Variants in POLA1 observed in about 807,000 individuals in gnomAD.
POLA1 encodes DNA polymerase alpha catalytic subunit.
POLA1 carries 15 observed loss-of-function variants against 124.0 expected under a neutral mutation model. The observed-to-expected ratio is 0.12, with a 90% CI of 0.08 to 0.19. The LOEUF is 0.19. Ranked by LOEUF, POLA1 falls within the 10% of genes least tolerant of loss-of-function variation. The pLI, the probability that POLA1 is intolerant of heterozygous loss-of-function variation, is 1.00. For missense variants in POLA1, 886 were observed against 1,103.4 expected, an observed-to-expected ratio of 0.80 and a Z score of 2.79; for synonymous variants, 408 against 389.4, an observed-to-expected ratio of 1.05 and a Z score of -0.56.
chrX:24,859,415 C>T (rs751645760), intron 34 of POLA1, among the ~76,000 whole-genome samples: 1 of 111,646 alleles, frequency 9.0e-6, no homozygotes, highest in Non-Finnish European at 1.9e-5. Context: ...TATCTCCACA[C>T]TTTCACTCCT....
At chrX:24,930,197 CA>C (rs1350642009) in intron 35 of POLA1, among the ~76,000 whole-genome samples, 2 of 112,084 alleles carry the variant, frequency 1.8e-5, no homozygotes, top group Non-Finnish European at 3.8e-5. Flanking sequence ...TTTTTGACAG[CA>C]GGGGTAATCA....
chrX:24,865,751 A>G (rs184950775), intron 34 of POLA1, among the ~76,000 whole-genome samples: 2 of 111,986 alleles, frequency 1.8e-5, no homozygotes, highest in African/African-American at 3.2e-5. Flanking sequence ...AATTATGTCT[A>G]TAGATAAGGA....
chrX:24,747,598 TA>T (rs1414085253), intron 24 of POLA1, among the ~76,000 whole-genome samples: 2 of 111,833 alleles, frequency 1.8e-5, no homozygotes, highest in Admixed American at 9.5e-5. Context: ...TTTAAAATAG[TA>T]GTTTAGCTGC....
intron 20 of POLA1, among the ~76,000 whole-genome samples, chrX:24,740,991 C>T (rs760659071): frequency 9.0e-6 from 1 of 111,140 alleles, no homozygotes; most frequent in African/African-American, 3.3e-5. Context: ...TTGTTTTGGT[C>T]ACAGCCAATG....
intron 26 of POLA1, among the ~76,000 whole-genome samples, chrX:24,750,070 A>G (rs1209811015): frequency 8.9e-6 from 1 of 111,947 alleles, no homozygotes; most frequent in African/African-American, 3.2e-5. Flanking sequence ...GCAGCCTGCC[A>G]TCTATTTTTG....
At chrX:24,791,553 T>C (rs749271432) in intron 26 of POLA1, among the ~76,000 whole-genome samples, 45 of 111,909 alleles carry the variant, frequency 4.0e-4, no homozygotes, top group African/African-American at 1.4e-3. Flanking sequence ...ACCCAGCTAA[T>C]TTTTGTATTT....
chrX:24,907,467 A>G (rs1258330459), intron 35 of POLA1, among the ~76,000 whole-genome samples: 1 of 111,986 alleles, frequency 8.9e-6, no homozygotes, highest in African/African-American at 3.2e-5. Context: ...GCATAATAAA[A>G]TTATTTAAAA....
At chrX:24,820,358 A>C (rs1192764858) in intron 30 of POLA1, among the ~76,000 whole-genome samples, 1 of 111,285 alleles carries the variant, frequency 9.0e-6, no homozygotes, top group African/African-American at 3.3e-5. Context: ...TGCAGTCCAC[A>C]CTTTGAGAAC....
intron 36 of POLA1, among the ~76,000 whole-genome samples, chrX:24,995,123 G>T (rs182233764): frequency 1.4e-3 from 153 of 111,386 alleles, no homozygotes; most frequent in Non-Finnish European, 2.1e-3. Flanking sequence ...GGAAAGGAGA[G>T]GGGTCTTTTC....
At chrX:24,839,258 CAA>C (rs757126969) in intron 32 of POLA1, among the ~76,000 whole-genome samples, 104 of 111,279 alleles carry the variant, frequency 9.3e-4, no homozygotes, top group African/African-American at 3.3e-3. Context: ...GAACTATGAC[CAA>C]GAGACTATTG....
chrX:24,744,754 C>T (rs1011704862), intron 23 of POLA1, among the ~76,000 whole-genome samples: 4 of 108,896 alleles, frequency 3.7e-5, no homozygotes, highest in African/African-American at 1.0e-4. Flanking sequence ...AGATCGAGAC[C>T]GTCCTGGCCA....
chrX:24,734,522 A>G (rs767373162), intron 17 of POLA1, among the ~76,000 whole-genome samples: 4 of 111,812 alleles, frequency 3.6e-5, no homozygotes, highest in Middle Eastern at 4.2e-3. Flanking sequence ...TGAGAAGTCC[A>G]GTAGTTGGGA....
chrX:24,711,957 C>G (rs964213182), intron 4 of POLA1, among the ~76,000 whole-genome samples: 2 of 112,456 alleles, frequency 1.8e-5, no homozygotes, highest in Non-Finnish European at 3.8e-5. Context: ...TCCCATTTTA[C>G]ACTCTCATGA....
chrX:24,915,406 G>C (rs1004723616), intron 35 of POLA1, among the ~76,000 whole-genome samples: 1 of 111,822 alleles, frequency 8.9e-6, no homozygotes, highest in Admixed American at 9.5e-5. Flanking sequence ...GATACACTTT[G>C]TGGAATTTTT....
intron 35 of POLA1, among the ~76,000 whole-genome samples, chrX:24,909,601 G>C (rs1290205560): frequency 9.0e-6 from 1 of 110,840 alleles, no homozygotes; most frequent in African/African-American, 3.3e-5. Context: ...CTATATCTCT[G>C]TTTTGGTATC....
At chrX:24,845,462 G>A (rs2046464014) in intron 34 of POLA1, among the ~76,000 whole-genome samples, 1 of 111,916 alleles carries the variant, frequency 8.9e-6, no homozygotes, top group Non-Finnish European at 1.9e-5. Context: ...TCCGTTATTC[G>A]TTCTTATGGC....
At chrX:24,825,834 C>T (rs1053769966) in intron 31 of POLA1, among the ~76,000 whole-genome samples, 4 of 111,110 alleles carry the variant, frequency 3.6e-5, no homozygotes, top group Non-Finnish European at 5.6e-5. Flanking sequence ...TAGGACACTA[C>T]GTCATTTTTA....
intron 35 of POLA1, 44 bp from the exon 36 acceptor site, chrX:24,930,409 C>G (rs1342628506): frequency 1.2e-6 from 1 of 848,531 alleles, no homozygotes; most frequent in Non-Finnish European, 1.8e-6. Flanking sequence ...CATCGCTTCC[C>G]CCTCCCCAGT....
At chrX:24,747,444 T>A (rs1932072867) in intron 24 of POLA1, among the ~76,000 whole-genome samples, 1 of 111,163 alleles carries the variant, frequency 9.0e-6, no homozygotes, top group South Asian at 3.8e-4. Flanking sequence ...AGATTATAGG[T>A]GTGAGCCACC....
Sources: gnomAD v4.1 joint callset for allele counts (sites outside exome capture counted in the v4.1 genomes callset) on GRCh38, gnomAD v4.1.1 for gene constraint, MANE v1.5 for transcripts, NCBI Gene and HGNC (gene_info 2026-07-23, HGNC 2026-07-21) for gene names.